The following RCC1 variants were observed in gnomAD, a reference collection of about 807,000 sequenced individuals.
RCC1 encodes the protein regulator of chromosome condensation.
A neutral mutation model predicts 44.4 loss-of-function variants in RCC1; 11 were observed. The observed-to-expected ratio is 0.25, with a 90% CI of 0.16 to 0.41. The LOEUF (loss-of-function observed/expected upper bound fraction) is 0.41. Ranked by LOEUF, RCC1 falls within the 10% of genes least tolerant of loss-of-function variation. The pLI is 1.00. For synonymous variants in RCC1, 213 were observed against 216.5 expected (o/e 0.98, Z 0.14); for missense variants, 386 against 547.1 (o/e 0.71, Z 2.94).
chr1:28,507,499 G>A (rs1160605169), intron 1 of RCC1: 11 of 518,830 alleles, frequency 2.1e-5, no homozygotes, highest in Non-Finnish European at 3.5e-5. Context: ...TCGTGTCTGC[G>A]CCTGCATATT....
In RCC1 at chr1:28,531,893, T is replaced by C. The variant is rs202118406; in HGVS notation, c.164T>C (p.Met55Thr). The C allele has an allele frequency of 6.2e-7, 1 of 1,609,034 alleles. No homozygotes were observed. Among genetic ancestry groups the C allele is most frequent in the East Asian group, 2.2e-5 (1 of 44,846 alleles). Residue 55 changes from methionine to threonine, a missense_variant, in exon 6 of 13, where the codon ATG (methionine) becomes ACG (threonine). Coordinates refer to ENST00000683442, the MANE Select transcript of RCC1 (RefSeq NM_001381865.2). ...VGQLGLGENVMERKKPALVSI... is the reference protein window; with the variant it reads ...VGQLGLGENVTERKKPALVSI... ...CAGCTGGGGCTGGGTGAGAATGTGA[T>C]GGAGAGGAAGAAGCCGGCCCTGGTA...
chr1:28,527,768 G>C (rs1663769716), intron 4 of RCC1, among the ~76,000 whole-genome samples: 1 of 150,052 alleles, frequency 6.7e-6, no homozygotes, highest in African/African-American at 2.5e-5. Context: ...CCCGCACTTT[G>C]GGAGGCCAAG....
chr1:28,521,501 GA>G (rs71586849), intron 4 of RCC1, among the ~76,000 whole-genome samples: 92 of 56,828 alleles, frequency 1.6e-3, no homozygotes, highest in South Asian at 4.5e-3. Flanking sequence ...CTCCACCTCA[GA>G]AAAAAAAAAA....
intron 5 of RCC1, chr1:28,530,622 C>T (rs1014905849): frequency 6.3e-7 from 1 of 1,598,334 alleles, no homozygotes; most frequent in East Asian, 2.2e-5. Flanking sequence ...CCAGGTGGCT[C>T]CGCGCCCGGG....
At position 28,528,844 on chromosome 1, in the gene RCC1, C is replaced by CTTT. The variant is rs59005617; in HGVS notation, c.-9-996_-9-994dup. Among the ~76,000 whole-genome samples, 54 of 87,190 alleles carry CTTT rather than the reference C, an allele frequency of 6.2e-4. 2 individuals carry two copies. Among genetic ancestry groups the CTTT allele is most frequent in the African/African-American group, 1.7e-3 (33 of 18,910 alleles). The allele number at this position is 87,190 out of a possible 152,430, so 57.2% of individuals were successfully genotyped here. A position where few individuals can be genotyped will look rare whatever the true frequency, so the allele number is the denominator to read the frequency against. On this transcript the variant is annotated intron_variant, in intron 4 of 12. Transcript: ENST00000683442. Reference sequence around the variant, plus strand: ...AATGGATGATAGGCTGTTTTTCTTCCTTTTTTTTTTTTTTTTTTTTGGTTG... The same window carrying CTTT: ...AATGGATGATAGGCTGTTTTTCTTCCTTTTTTTTTTTTTTTTTTTTTTTGGTTG...
chr1:28,535,779 G>A (rs894950929), intron 9 of RCC1, 92 bp from the exon 10 acceptor site: 28 of 1,407,486 alleles, frequency 2.0e-5, no homozygotes, highest in Non-Finnish European at 2.7e-5. Context: ...AGCCTCTCAA[G>A]GGCTTTTATA....
intron 1 of RCC1, 188 bp downstream of exon 1, chr1:28,506,272 C>T (rs1361850044): frequency 2.2e-6 from 1 of 446,210 alleles, no homozygotes; most frequent in East Asian, 7.0e-5. Context: ...GCAACCTCCG[C>T]CTGCCGGGTT....
intron 4 of RCC1, among the ~76,000 whole-genome samples, chr1:28,522,287 T>C (rs1488512464): frequency 6.6e-6 from 1 of 152,044 alleles, no homozygotes; most frequent in East Asian, 1.9e-4. Flanking sequence ...GCAAATAGTA[T>C]GGAGAGGACA....
chr1:28,532,395 T>C, intron 7 of RCC1, 45 bp downstream of exon 7: 4 of 1,601,476 alleles, frequency 2.5e-6, no homozygotes, highest in South Asian at 1.1e-5. Context: ...AAAGACAGAA[T>C]TAATTGGCGG....
intron 4 of RCC1, chr1:28,527,230 T>C: frequency 1.3e-6 from 1 of 774,168 alleles, no homozygotes; most frequent in Non-Finnish European, 2.2e-6. Context: ...AGCCGCGATC[T>C]TCAGTGCATG....
chr1:28,528,720 A>G (rs1663865507), intron 4 of RCC1, among the ~76,000 whole-genome samples: 1 of 141,616 alleles, frequency 7.1e-6, no homozygotes, highest in Non-Finnish European at 1.5e-5. Flanking sequence ...CTATAATACC[A>G]TTTTCCGAGG....
chr1:28,536,464 T>C lies in RCC1; in HGVS notation c.937+83T>C. Reference sequence around the variant, plus strand: ...AGCCAGATTCCTGAGACCATGGTCCTTGGAGCCTGGGTCTGTTCCATGGGT... The same window carrying C: ...AGCCAGATTCCTGAGACCATGGTCCCTGGAGCCTGGGTCTGTTCCATGGGT... On this transcript the variant is annotated intron_variant, in intron 11 of 12. Coordinates refer to ENST00000683442, the MANE Select transcript of RCC1 (RefSeq NM_001381865.2). This position sits in a 1 kb window ranked among gnomAD's most constrained non-coding sequence, Gnocchi z 4.9. The C allele has an allele frequency of 6.6e-7, 1 of 1,516,220 alleles. No homozygotes were observed. The highest frequency in any genetic ancestry group is 8.9e-7 in the Non-Finnish European group (1 of 1,124,650). 93.9% of individuals were successfully genotyped at this position (1,516,220 alleles called of 1,614,324 possible).
At chr1:28,508,365 TAA>T (rs1174056501) in intron 2 of RCC1, 2 of 354,912 alleles carry the variant, frequency 5.6e-6, no homozygotes, top group Admixed American at 3.7e-5. Context: ...CTCTGTTCTG[TAA>T]AAATTGCTTT....
At chr1:28,531,259 C>CTTTTTTTTTTTTTTTTTTTTTTTTTTTTT (rs769808394) in intron 5 of RCC1, among the ~76,000 whole-genome samples, 1 of 132,452 alleles carries the variant, frequency 7.5e-6, no homozygotes. Context: ...GCTTTCTTTT[C>CTTTTTTTTTTTTTTTTTTTTTTTTTTTTT]TTTTTCTTTT....
Position 28,536,054 on chromosome 1 carries a change from G to A in RCC1, c.817+28G>A, listed in dbSNP as rs779319116. 5 of 1,583,742 alleles carry A rather than the reference G, an allele frequency of 3.2e-6. No homozygotes were observed. The South Asian group carries it at 5.7e-5, about 18-fold the overall frequency. ...GAGCCCCGAGCCCAGCTTCAGGCAT[G>A]ACCCAGTGGCCTGCGTTCCTGTCCT... On this transcript the variant is annotated intron_variant, in intron 10 of 12. Transcript: ENST00000683442. This position sits in a 1 kb window ranked among gnomAD's most constrained non-coding sequence, Gnocchi z 4.9.
At chr1:28,517,423 G>A (rs1662961798) in intron 4 of RCC1, among the ~76,000 whole-genome samples, 1 of 151,922 alleles carries the variant, frequency 6.6e-6, no homozygotes, top group African/African-American at 2.4e-5. Flanking sequence ...CTTGGCTCCC[G>A]TTTTCCCCAA....
At chr1:28,513,093 G>A (rs1284234934) in intron 3 of RCC1, among the ~76,000 whole-genome samples, 2 of 148,950 alleles carry the variant, frequency 1.3e-5, no homozygotes, top group African/African-American at 5.0e-5. Flanking sequence ...TTTTAGACAA[G>A]AGTCTCACTC....
chr1:28,527,262 C>T (rs558227137), intron 4 of RCC1: 13 of 671,498 alleles, frequency 1.9e-5, no homozygotes, highest in South Asian at 1.9e-4. Context: ...TTTTTTGAGA[C>T]AGTGTCTGTC....
rs41270833 is a variant in RCC1 at position 28,506,043 on chromosome 1, C to T, written c.-303C>T. Reference sequence around the variant, plus strand: ...AAAGGATGCTTCGCGTTTTCTCTCTCCTTTTTGGAGACAGATTCGCAGTGG... The same window carrying T: ...AAAGGATGCTTCGCGTTTTCTCTCTTCTTTTTGGAGACAGATTCGCAGTGG... On this transcript the variant is annotated 5_prime_UTR_variant, in exon 1 of 13. Transcript: ENST00000683442. 84 of 455,898 alleles carry T rather than the reference C, an allele frequency of 1.8e-4. No homozygotes were observed. The highest frequency in any genetic ancestry group is 9.7e-4 in the Middle Eastern group (3 of 3,090). 28.2% of individuals were successfully genotyped at this position (455,898 alleles called of 1,614,324 possible).
Sources: allele counts gnomAD v4.1 joint callset (sites outside exome capture counted in the v4.1 genomes callset), GRCh38; gene constraint gnomAD v4.1.1; non-coding constraint Gnocchi (gnomAD v3.1); transcripts MANE v1.5; gene names NCBI Gene and HGNC (gene_info 2026-07-23, HGNC 2026-07-21).